RIMS2: variants seen among roughly 807,000 people sequenced by gnomAD.
RIMS2 encodes the protein regulating synaptic membrane exocytosis protein 2.
Under a neutral mutation model 174.4 loss-of-function variants are expected in RIMS2, and 59 were observed. That is an observed-to-expected ratio of 0.34 (90% CI 0.27 to 0.42). RIMS2 has a LOEUF of 0.42. RIMS2 is among the 10% of genes least tolerant of loss of function. The pLI, the probability that RIMS2 is intolerant of heterozygous loss-of-function variation, is 1.00. For synonymous variants in RIMS2, 606 were observed against 572.5 expected (o/e 1.06, Z -0.84); for missense variants, 1,620 against 1,666.3 (o/e 0.97, Z 0.48).
At chr8:104,021,367 TCAA>T (rs2096082330) in intron 19 of RIMS2, among the ~76,000 whole-genome samples, 1 of 152,162 alleles carries the variant, frequency 6.6e-6, no homozygotes, top group Non-Finnish European at 1.5e-5. Flanking sequence ...TCTCAACATC[TCAA>T]CATGTTTTTA....
intron 19 of RIMS2, chr8:104,041,345 G>A (rs937242706): frequency 7.2e-6 from 5 of 696,434 alleles, no homozygotes; most frequent in African/African-American, 7.0e-5. Flanking sequence ...ACTCTACAAG[G>A]AGAAGATATG....
intron 19 of RIMS2, among the ~76,000 whole-genome samples, chr8:104,143,630 A>G (rs1385798883): frequency 6.6e-6 from 1 of 152,210 alleles, no homozygotes; most frequent in Non-Finnish European, 1.5e-5. Context: ...TCTACCAGGA[A>G]TGCTATTGTC....
At chr8:103,998,396 A>G (rs2095236400) in intron 17 of RIMS2, 1 of 488,560 alleles carries the variant, frequency 2.0e-6, no homozygotes, top group Non-Finnish European at 3.6e-6. Context: ...ATAAAATAAC[A>G]TGAAATAAAA....
At chr8:103,749,092 C>T (rs1468477404) in intron 2 of RIMS2, among the ~76,000 whole-genome samples, 1 of 151,202 alleles carries the variant, frequency 6.6e-6, no homozygotes, top group Admixed American at 6.6e-5. Context: ...AGCCACCGTG[C>T]CTGGCCATAT....
At chr8:103,585,819 A>T (rs2093886045) in intron 1 of RIMS2, among the ~76,000 whole-genome samples, 2 of 151,986 alleles carry the variant, frequency 1.3e-5, no homozygotes, top group African/African-American at 2.4e-5. Context: ...CAGGTGCAGC[A>T]TACCACCATG....
intron 3 of RIMS2, among the ~76,000 whole-genome samples, chr8:103,802,552 G>A (rs1286375024): frequency 6.6e-6 from 1 of 152,176 alleles, no homozygotes; most frequent in Non-Finnish European, 1.5e-5. Context: ...TGAGGCAAGG[G>A]TAGGGGCTGG....
At chr8:103,567,693 C>T (rs1475414419) in intron 1 of RIMS2, among the ~76,000 whole-genome samples, 1 of 152,104 alleles carries the variant, frequency 6.6e-6, no homozygotes, top group Non-Finnish European at 1.5e-5. Context: ...AGTGGAATTG[C>T]TGGGTCATAT....
In RIMS2 at chr8:103,952,977, G is replaced by A. The variant is rs746547422; in HGVS notation, c.2702-8088G>A. ...CATTTTGTGAAGCATACATGAGTAT[G>A]ATTAGCTGAATTTATCAAGTGGAAG... is the stretch of plus-strand genomic sequence containing the variant. On this transcript the variant is annotated intron_variant, in intron 14 of 23. Coordinates refer to ENST00000504942, the Ensembl canonical transcript of RIMS2. 2.2e-4 allele frequency among the ~76,000 whole-genome samples: 34 copies of A among 152,222 alleles called. 1 individual carries two copies. The highest frequency in any genetic ancestry group is 4.6e-4 in the Non-Finnish European group (31 of 68,026).
chr8:104,216,998 A>G (rs1309901560), intron 19 of RIMS2, among the ~76,000 whole-genome samples: 1 of 152,224 alleles, frequency 6.6e-6, no homozygotes, highest in Non-Finnish European at 1.5e-5. Flanking sequence ...TATCATCATC[A>G]TTATTATAAA....
chr8:104,079,748 A>C (rs1259318543), intron 19 of RIMS2, among the ~76,000 whole-genome samples: 1 of 150,708 alleles, frequency 6.6e-6, no homozygotes, highest in Non-Finnish European at 1.5e-5. Flanking sequence ...TTATATGTGG[A>C]ATATTTATGT....
At chr8:103,899,052 C>T (rs1365181158) in intron 4 of RIMS2, among the ~76,000 whole-genome samples, 1 of 151,674 alleles carries the variant, frequency 6.6e-6, no homozygotes, top group African/African-American at 2.4e-5. Context: ...GACATGAACT[C>T]ATCAATTTTT....
intron 6 of RIMS2, 73 bp downstream of exon 9, chr8:103,912,245 T>G: frequency 8.6e-7 from 1 of 1,169,054 alleles, no homozygotes; most frequent in Non-Finnish European, 1.2e-6. Context: ...GGATAACTCT[T>G]TCAACCTGTA....
chr8:104,172,152 G>T (rs1170954763), intron 19 of RIMS2, among the ~76,000 whole-genome samples: 2 of 152,186 alleles, frequency 1.3e-5, no homozygotes, highest in Admixed American at 1.3e-4. Flanking sequence ...TATCCCTTAG[G>T]TAGGCAATCA....
intron 4 of RIMS2, among the ~76,000 whole-genome samples, chr8:103,899,291 C>T (rs1594791363): frequency 6.6e-6 from 1 of 151,840 alleles, no homozygotes. Flanking sequence ...CCTGAGGAAT[C>T]GCCACACTGT....
At chr8:104,220,584 C>T (rs894824132) in intron 19 of RIMS2, among the ~76,000 whole-genome samples, 2 of 151,620 alleles carry the variant, frequency 1.3e-5, no homozygotes, top group African/African-American at 4.9e-5. Context: ...CATCCCCAGC[C>T]AATTTATTTT....
chr8:103,770,373 C>T (rs1179099106), intron 3 of RIMS2, among the ~76,000 whole-genome samples: 3 of 152,094 alleles, frequency 2.0e-5, no homozygotes, highest in Non-Finnish European at 4.4e-5. Context: ...GTCAGGAGTT[C>T]AAGACCAGCA....
chr8:104,051,979 C>T (rs1403778833), intron 19 of RIMS2, among the ~76,000 whole-genome samples: 2 of 152,012 alleles, frequency 1.3e-5, no homozygotes, highest in Non-Finnish European at 2.9e-5. Context: ...GTCTCTACAG[C>T]TTTGTTATAT....
At chr8:103,803,470 C>G (rs1199347412) in intron 3 of RIMS2, among the ~76,000 whole-genome samples, 2 of 151,992 alleles carry the variant, frequency 1.3e-5, no homozygotes, top group South Asian at 2.1e-4. Context: ...TTAGAAATAA[C>G]TGATAAAAAA....
chr8:104,189,919 T>G (rs911254117), intron 19 of RIMS2, among the ~76,000 whole-genome samples: 9 of 151,996 alleles, frequency 5.9e-5, no homozygotes, highest in Non-Finnish European at 1.0e-4. Context: ...TCTTTTCACA[T>G]CATCTTCAAG....
Sources: gnomAD v4.1 joint callset for allele counts (sites outside exome capture counted in the v4.1 genomes callset) on GRCh38, gnomAD v4.1.1 for gene constraint, MANE v1.5 for transcripts, NCBI Gene and HGNC (gene_info 2026-07-23, HGNC 2026-07-21) for gene names.